Variants in EPS15 observed in about 807,000 individuals in gnomAD.
EPS15 encodes epidermal growth factor receptor substrate 15.
In EPS15, 72 loss-of-function variants were observed where a neutral mutation model predicts 113.8. That is an observed-to-expected ratio of 0.63 (90% confidence interval 0.52 to 0.77). The LOEUF (loss-of-function observed/expected upper bound fraction) is 0.77, where lower values mean the gene tolerates loss of function less well. Among genes scored for constraint, EPS15 ranks in the 30% least tolerant of loss-of-function variants. The pLI is 0.00. For synonymous variants in EPS15, 344 were observed against 363.4 expected, an observed-to-expected ratio of 0.95 and a Z score of 0.61; for missense variants, 1,048 against 1,045.8, an observed-to-expected ratio of 1.00 and a Z score of -0.03.
chr1:51,465,181 T>G (rs372638056), intron 6 of EPS15, 80 bp downstream of exon 6: 2 of 850,002 alleles, frequency 2.4e-6, no homozygotes, highest in East Asian at 2.6e-5. Flanking sequence ...CTAATGAAGA[T>G]AGCAATATAT....
chr1:51,358,931 T>C (rs1056875114), intron 24 of EPS15, among the ~76,000 whole-genome samples: 64 of 151,886 alleles, frequency 4.2e-4, no homozygotes, highest in Admixed American at 2.6e-3. Flanking sequence ...CTCACACTCC[T>C]GACCTCAAGT....
intron 11 of EPS15, among the ~76,000 whole-genome samples, chr1:51,441,228 G>C (rs1254841778): frequency 1.3e-5 from 2 of 152,030 alleles, no homozygotes; most frequent in East Asian, 3.8e-4. Context: ...TCTACAAACT[G>C]TGATATTTTA....
intron 8 of EPS15, among the ~76,000 whole-genome samples, chr1:51,452,471 T>TG (rs957956761): frequency 3.3e-5 from 5 of 151,960 alleles, no homozygotes; most frequent in Admixed American, 6.6e-5. Flanking sequence ...TTTGCAGAGA[T>TG]GGGGGTCTCA....
At chr1:51,403,637 A>C in intron 16 of EPS15, 105 bp from the exon 17 acceptor site, 2 of 584,784 alleles carry the variant, frequency 3.4e-6, no homozygotes, top group South Asian at 5.4e-5. Flanking sequence ...AAAGACAAGC[A>C]GAATGTATTC....
rs1647658783 is a variant in EPS15, at chr1:51,394,023, C to T, written c.2119+358G>A. The stretch of plus-strand genomic sequence containing the variant: ...CCATTTGTATTTGTAAAGCAATTTT[C>T]ATTTTCTACTGGAAGCCACTAATCT... On this transcript the variant is annotated intron_variant, in intron 21 of 24. Coordinates refer to ENST00000371733, the MANE Select transcript of EPS15 (RefSeq NM_001981.3). Among the ~76,000 whole-genome samples, 3 of 152,140 alleles carry T rather than the reference C, an allele frequency of 2.0e-5. No homozygotes were observed. In the South Asian group the frequency reaches 6.2e-4, roughly 32 times the overall value.
intron 1 of EPS15, among the ~76,000 whole-genome samples, chr1:51,509,698 C>G (rs1644584512): frequency 6.6e-6 from 1 of 152,184 alleles, no homozygotes; most frequent in African/African-American, 2.4e-5. Flanking sequence ...AGCAATAAAT[C>G]TGGAGGTTGC....
chr1:51,357,426 A>ATATATATATATTT (rs1443627608), intron 24 of EPS15, among the ~76,000 whole-genome samples: 2 of 53,540 alleles, frequency 3.7e-5, no homozygotes, highest in African/African-American at 1.9e-4. Flanking sequence ...ATATATATAT[A>ATATATATATATTT]TTTTTTTTTT....
intron 1 of EPS15, among the ~76,000 whole-genome samples, chr1:51,492,775 C>T (rs370321834): frequency 6.6e-6 from 1 of 152,116 alleles, no homozygotes; most frequent in Admixed American, 6.5e-5. Context: ...GACTAATATA[C>T]GAATTTATAA....
chr1:51,486,715 G>T (rs1285556301), intron 1 of EPS15, among the ~76,000 whole-genome samples: 1 of 151,708 alleles, frequency 6.6e-6, no homozygotes, highest in Non-Finnish European at 1.5e-5. Flanking sequence ...TTTTGCTCTT[G>T]TTACCCAGGC....
chr1:51,401,059 A>G lies in EPS15; in HGVS notation c.1883-106T>C, dbSNP rs1415828887. On this transcript the variant is annotated intron_variant, in intron 18 of 24. Coordinates refer to ENST00000371733, the MANE Select transcript of EPS15 (RefSeq NM_001981.3). Reference sequence around the variant, plus strand: ...CAAAAGCAAAGCAAAGTTTATTTCAATAACTTCACTTCACAGTAGATAAAA... The same window carrying G: ...CAAAAGCAAAGCAAAGTTTATTTCAGTAACTTCACTTCACAGTAGATAAAA... 7.5e-6 allele frequency: 5 copies of G among 664,802 alleles called. No homozygotes were observed. In the East Asian group the frequency reaches 1.4e-4, roughly 19 times the overall value. 41.2% of individuals were successfully genotyped at this position (664,802 alleles called of 1,614,324 possible).
chr1:51,404,786 G>T (rs1464898189), intron 16 of EPS15, among the ~76,000 whole-genome samples: 1 of 152,148 alleles, frequency 6.6e-6, no homozygotes, highest in African/African-American at 2.4e-5. Flanking sequence ...CACCCATAGA[G>T]TGTGTTTTTA....
chr1:51,464,332 C>T (rs1030378003), intron 6 of EPS15, among the ~76,000 whole-genome samples: 17 of 151,764 alleles, frequency 1.1e-4, no homozygotes, highest in African/African-American at 9.7e-5. Flanking sequence ...CTCCACCTCC[C>T]GGGTTCAAGC....
At chr1:51,501,309 G>A (rs1184093954) in intron 1 of EPS15, among the ~76,000 whole-genome samples, 1 of 151,858 alleles carries the variant, frequency 6.6e-6, no homozygotes, top group Admixed American at 6.6e-5. Context: ...CCAGGAGGCT[G>A]AGGAAGGAGA....
At chr1:51,490,929 T>G (rs1232629978) in intron 1 of EPS15, among the ~76,000 whole-genome samples, 3 of 152,234 alleles carry the variant, frequency 2.0e-5, no homozygotes, top group African/African-American at 7.2e-5. Context: ...GCTGTAGTTA[T>G]GTAAGATGTT....
At chr1:51,442,964 A>C (rs986068166) in intron 11 of EPS15, among the ~76,000 whole-genome samples, 2 of 152,204 alleles carry the variant, frequency 1.3e-5, no homozygotes, top group Non-Finnish European at 2.9e-5. Context: ...CAAAAAATGC[A>C]GTACTAAAAA....
At chr1:51,501,260 T>G (rs1370488184) in intron 1 of EPS15, among the ~76,000 whole-genome samples, 1 of 150,612 alleles carries the variant, frequency 6.6e-6, no homozygotes, top group African/African-American at 2.4e-5. Context: ...TACAAAAAAT[T>G]AGCCAGGCAT....
At chr1:51,458,350 G>T in intron 8 of EPS15, 1 of 153,056 alleles carries the variant, frequency 6.5e-6, no homozygotes, top group Non-Finnish European at 1.4e-5. Context: ...TAGGCTCCAG[G>T]CATATAAGAT....
At chr1:51,451,635 A>G (rs1368532697) in intron 8 of EPS15, among the ~76,000 whole-genome samples, 2 of 151,652 alleles carry the variant, frequency 1.3e-5, no homozygotes, top group Non-Finnish European at 2.9e-5. Context: ...TTTTCACTGT[A>G]TATCTTCTTA....
intron 1 of EPS15, among the ~76,000 whole-genome samples, chr1:51,510,246 G>GA (rs1298527347): frequency 3.3e-5 from 5 of 152,132 alleles, no homozygotes; most frequent in African/African-American, 1.2e-4. Context: ...CATAACAATA[G>GA]AGGAATGTAA....
Sources: gnomAD v4.1 joint callset for allele counts (sites outside exome capture counted in the v4.1 genomes callset) on GRCh38, gnomAD v4.1.1 for gene constraint, MANE v1.5 for transcripts, NCBI Gene and HGNC (gene_info 2026-07-23, HGNC 2026-07-21) for gene names.